The following GAS6 variants were observed in gnomAD, a reference collection of about 807,000 sequenced individuals.
GAS6 encodes the protein growth arrest-specific protein 6.
In GAS6, 41 loss-of-function variants were observed where a neutral mutation model predicts 75.8. The ratio of observed to expected loss-of-function variants is 0.54; its 90% CI spans 0.42 to 0.70. GAS6 has a LOEUF of 0.70. Among genes scored for constraint, GAS6 ranks in the 30% least tolerant of loss-of-function variants. GAS6 has a pLI of 0.00. For synonymous variants in GAS6, 432 were observed against 412.6 expected, an observed-to-expected ratio of 1.05 and a Z score of -0.57; for missense variants, 854 against 940.2, an observed-to-expected ratio of 0.91 and a Z score of 1.20.
intron 12 of GAS6, among the ~76,000 whole-genome samples, chr13:113,825,823 G>A (rs1345752147): frequency 2.0e-5 from 3 of 152,052 alleles, no homozygotes; most frequent in African/African-American, 4.8e-5. Context: ...CACCCGGGGG[G>A]AGACGGTGAC....
rs764173918 is a variant in GAS6 at position 113,839,746 on chromosome 13, C to G, written c.448G>C (p.Gly150Arg). Residue 150 changes from glycine to arginine, a missense_variant, in exon 5 of 15, where the codon GGC becomes CGC. Coordinates refer to ENST00000327773, the MANE Select transcript of GAS6 (RefSeq NM_000820.4). ...CACGTACCTTTGTCGCAGAGCCGGC[C>G]CCCCCAGCCAGCTTTACACAGGCAG... ...FFCLCKAGWG[G>R]RLCDKDVNEC... 1.2e-6 allele frequency: 2 copies of G among 1,613,870 alleles called. No homozygotes were observed. Among genetic ancestry groups the G allele is most frequent in the East Asian group, 2.2e-5 (1 of 44,866 alleles).
chr13:113,862,959 C>G (rs955247472), intron 2 of GAS6, among the ~76,000 whole-genome samples: 7 of 152,112 alleles, frequency 4.6e-5, no homozygotes, highest in Admixed American at 4.6e-4. Flanking sequence ...CGGCCCCGGG[C>G]GCCCCGCCTT....
chr13:113,833,240 G>T, intron 8 of GAS6: 1 of 1,058,632 alleles, frequency 9.4e-7, no homozygotes, highest in Non-Finnish European at 1.1e-6. Flanking sequence ...AGCCAGGCCT[G>T]CCCTGCCCAC....
At chr13:113,827,998 G>T (rs577518922) in intron 11 of GAS6, among the ~76,000 whole-genome samples, 2 of 152,194 alleles carry the variant, frequency 1.3e-5, no homozygotes, top group African/African-American at 2.4e-5. Context: ...AATTTCGGCC[G>T]GGCGCGGTGG....
At chr13:113,825,337 A>G (rs933866385) in intron 12 of GAS6, among the ~76,000 whole-genome samples, 1 of 151,498 alleles carries the variant, frequency 6.6e-6, no homozygotes, top group African/African-American at 2.4e-5. Flanking sequence ...CTCCCCGGGA[A>G]GGTTTCCCGG....
Position 113,845,849 on chromosome 13 carries a change from G to C in GAS6, c.343+678C>G, listed in dbSNP as rs2051829641. On this transcript the variant is annotated intron_variant, in intron 4 of 14. Transcript: ENST00000327773. The surrounding 1 kb of genome is among the most constrained non-coding windows in gnomAD (Gnocchi z 4.3). ...CAGTTCATTCACCCCTGCAGGGGCGGAGGCTAAGGCTGGCTCTGGGATAAT... is the reference window on the plus strand; with the variant it reads ...CAGTTCATTCACCCCTGCAGGGGCGCAGGCTAAGGCTGGCTCTGGGATAAT... The C allele has an allele frequency of 6.6e-6, 1 of 152,174 alleles. No individual in the cohort carries two copies. The highest frequency in any genetic ancestry group is 2.4e-5 in the African/African-American group (1 of 41,420). 9.4% of individuals were successfully genotyped at this position (152,174 alleles called of 1,614,324 possible).
In GAS6 at chr13:113,839,404, CGCCTTT is replaced by C. The variant is rs1566365689; in HGVS notation, c.466+318_466+323del. The C allele has an allele frequency of 9.1e-4, 180 of 198,268 alleles. 3 individuals are homozygous for C. Among genetic ancestry groups the C allele is most frequent in the African/African-American group, 8.5e-3 (158 of 18,672 alleles). 12.3% of individuals were successfully genotyped at this position (198,268 alleles called of 1,614,324 possible). On this transcript the variant is annotated intron_variant, in intron 5 of 14. Transcript: ENST00000327773. ...ACGGTCAGAGGTGAAATTTCCCCCC[CGCCTTT>C]CAATCAGTGGGTGCCACTGACACCA...
intron 2 of GAS6, among the ~76,000 whole-genome samples, chr13:113,856,545 G>A (rs548743204): frequency 3.3e-5 from 5 of 152,150 alleles, no homozygotes; most frequent in Non-Finnish European, 7.3e-5. Flanking sequence ...GACGAGCTGA[G>A]CGACGGACGA....
chr13:113,835,397 G>A (rs541336067), intron 7 of GAS6, 116 bp downstream of exon 7: 3 of 1,242,042 alleles, frequency 2.4e-6, no homozygotes, highest in Non-Finnish European at 2.3e-6. Context: ...CAGGGAGAAA[G>A]AGACTTTCTT....
In GAS6 at chr13:113,832,350, G is replaced by A. The variant is rs771638195; in HGVS notation, c.1092C>T (p.Val364=). The change falls in exon 10 of 15, where the codon GTC becomes GTT. Residue 364 remains valine, a synonymous_variant. Transcript: ENST00000327773. ...CCGGGCCGCTGCTGGTGACACGGCCGACACCGTTGTAGCGCAGCTGCAGCT... is the reference window on the plus strand; with the variant it reads ...CCGGGCCGCTGCTGGTGACACGGCCAACACCGTTGTAGCGCAGCTGCAGCT... ...RLELQLRYNG[V]GRVTSSGPVI... The A allele has an allele frequency of 1.1e-5, 17 of 1,606,424 alleles. No individual in the cohort carries two copies. Among genetic ancestry groups the A allele is most frequent in the East Asian group, 4.5e-5 (2 of 44,882 alleles).
At chr13:113,843,486 T>C (rs1442103622) in intron 4 of GAS6, 1 of 151,222 alleles carries the variant, frequency 6.6e-6, no homozygotes, top group African/African-American at 2.5e-5. Context: ...CAGTGACCGC[T>C]GCCTGGGCCA....
intron 8 of GAS6, 67 bp downstream of exon 8, chr13:113,834,484 G>T (rs1025691683): frequency 1.4e-6 from 2 of 1,404,476 alleles, no homozygotes; most frequent in Non-Finnish European, 1.9e-6. Flanking sequence ...TGTTTCTCCC[G>T]AAAGCCCCCA....
At chr13:113,829,675 CA>C (rs1204388153) in intron 10 of GAS6, among the ~76,000 whole-genome samples, 17 of 149,840 alleles carry the variant, frequency 1.1e-4, no homozygotes, top group African/African-American at 4.0e-4. Flanking sequence ...TCACCTGGGC[CA>C]AGAGGGACCT....
chr13:113,836,065 C>G (rs901193083), intron 6 of GAS6: 2 of 995,324 alleles, frequency 2.0e-6, no homozygotes, highest in Non-Finnish European at 2.4e-6. Context: ...CGGGTTAAAC[C>G]ACAATCCTAA....
At chr13:113,846,852 G>C in intron 3 of GAS6, 1 of 524,996 alleles carries the variant, frequency 1.9e-6, no homozygotes, top group Admixed American at 3.0e-5. Flanking sequence ...TTTCGAGGGG[G>C]CTCCTCCTGC....
intron 2 of GAS6, among the ~76,000 whole-genome samples, chr13:113,858,783 A>G (rs1449798198): frequency 2.0e-5 from 3 of 146,908 alleles, no homozygotes; most frequent in East Asian, 4.2e-4. Context: ...GCATGTGTGT[A>G]CATGTCTGTG....
chr13:113,838,011 AC>A, intron 6 of GAS6, 57 bp downstream of exon 6: 1 of 1,598,504 alleles, frequency 6.3e-7, no homozygotes. Context: ...AGCAGACATG[AC>A]CGAAAATAGA....
intron 2 of GAS6, among the ~76,000 whole-genome samples, chr13:113,851,263 ATGAG>A (rs1170105125): frequency 9.5e-5 from 14 of 147,952 alleles, no homozygotes; most frequent in Admixed American, 4.1e-4. Flanking sequence ...GAATAGATGG[ATGAG>A]TGAGTGTATG....
chr13:113,847,296 C>T (rs910332081), intron 3 of GAS6, among the ~76,000 whole-genome samples: 4 of 152,244 alleles, frequency 2.6e-5, no homozygotes, highest in Admixed American at 1.3e-4. Context: ...GCCAGACCCA[C>T]TGTGTTTGTT....
Sources: allele counts gnomAD v4.1 joint callset (sites outside exome capture counted in the v4.1 genomes callset), GRCh38; gene constraint gnomAD v4.1.1; non-coding constraint Gnocchi (gnomAD v3.1); transcripts MANE v1.5; gene names NCBI Gene and HGNC (gene_info 2026-07-23, HGNC 2026-07-21).